Variants in PAX8 observed in about 807,000 individuals in gnomAD.
The protein encoded by PAX8 is paired box protein Pax-8.
In PAX8, 15 loss-of-function variants were observed where a neutral mutation model predicts 52.4. The observed-to-expected ratio is 0.29, with a 90% CI of 0.19 to 0.44. The LOEUF is 0.44. Ranked by LOEUF, PAX8 falls within the 20% of genes least tolerant of loss-of-function variation. The pLI, the probability that PAX8 is intolerant of heterozygous loss-of-function variation, is 1.00. For missense variants in PAX8, 554 were observed against 602.5 expected, an observed-to-expected ratio of 0.92 and a Z score of 0.84; for synonymous variants, 284 against 249.7, an observed-to-expected ratio of 1.14 and a Z score of -1.29.
chr2:113,236,369 G>C (rs1254071877), intron 8 of PAX8: 1 of 342,668 alleles, frequency 2.9e-6, no homozygotes, highest in East Asian at 4.8e-5. Context: ...GACCGGAGGC[G>C]CGACCCCTGG....
At chr2:113,232,320 T>A (rs1689946653) in intron 9 of PAX8, among the ~76,000 whole-genome samples, 1 of 152,224 alleles carries the variant, frequency 6.6e-6, no homozygotes, top group Non-Finnish European at 1.5e-5. Context: ...GCCATTTGCC[T>A]GGACCCCAGA....
intron 10 of PAX8, chr2:113,225,987 A>G: frequency 1.0e-6 from 1 of 985,506 alleles, no homozygotes; most frequent in African/African-American, 1.7e-5. Flanking sequence ...GGGACAGAGG[A>G]GTCAGTATTC....
chr2:113,240,391 A>G (rs1375109307), intron 7 of PAX8: 1 of 152,254 alleles, frequency 6.6e-6, no homozygotes, highest in African/African-American at 2.4e-5. Flanking sequence ...GATTATTGGC[A>G]TCATCTCCAT....
intron 2 of PAX8, among the ~76,000 whole-genome samples, chr2:113,249,257 C>T (rs13429413): frequency 0.49 from 74,254 of 152,206 alleles, 18,794 homozygotes; most frequent in East Asian, 0.69. Context: ...CTCTGGTCCT[C>T]ACTGGCCAGA....
intron 9 of PAX8, among the ~76,000 whole-genome samples, chr2:113,232,391 A>G (rs1053727985): frequency 2.6e-5 from 4 of 152,044 alleles, no homozygotes; most frequent in South Asian, 2.1e-4. Flanking sequence ...TGAATTGTCA[A>G]CCCTTGGGCT....
At chr2:113,276,741 G>A (rs1340300188) in intron 2 of PAX8, among the ~76,000 whole-genome samples, 2 of 151,968 alleles carry the variant, frequency 1.3e-5, no homozygotes, top group African/African-American at 2.4e-5. Flanking sequence ...GGTCCAGCCC[G>A]GCCACAGTGA....
rs550093648 is a variant in PAX8 at position 113,217,572 on chromosome 2, C to G, written c.*961G>C. 4.3e-6 allele frequency: 1 copy of G among 230,670 alleles called. No individual in the cohort carries two copies. The highest frequency in any genetic ancestry group is 1.8e-4 in the South Asian group (1 of 5,508). 14.3% of individuals were successfully genotyped at this position (230,670 alleles called of 1,614,324 possible). A position where few individuals can be genotyped will look rare whatever the true frequency, so the allele number is the denominator to read the frequency against. On this transcript the variant is annotated 3_prime_UTR_variant, in exon 12 of 12. Transcript: ENST00000429538. ...CTTGGGGGCAGGAGCTGCTGGGGAG[C>G]AGAGAGGGACCCTCTATCGCTGGCT... is the stretch of plus-strand genomic sequence containing the variant.
At position 113,278,152 on chromosome 2, in the gene PAX8, G is replaced by A. The variant is rs757313996; in HGVS notation, c.25+218C>T. ...CCGATCCATGTGGTCCCTCGAAACC[G>A]GGCAAGGGCGGCTCAGCTGGCCGGG... is the stretch of plus-strand genomic sequence containing the variant. On this transcript the variant is annotated intron_variant, in intron 2 of 11. Transcript: ENST00000429538. Among the ~76,000 whole-genome samples the A allele has an allele frequency of 2.6e-5, 4 of 152,310 alleles. No individual in the cohort carries two copies. In the East Asian group the frequency reaches 7.7e-4, roughly 29 times the overall value.
Position 113,242,705 on chromosome 2 carries a change from G to T in PAX8, c.463C>A (p.Pro155Thr). Reference protein sequence around the residue: ...DSCVATKSLSPGHTLIPSSAV... With the variant: ...DSCVATKSLSTGHTLIPSSAV... ...CAGCACTCACTCAGCGTGTGTCCGG[G>T]ACTCAGGGACTTGGTGGCCACGCAG... The change falls in exon 5 of 12, where the codon CCC (proline) becomes ACC (threonine). Residue 155 changes from proline to threonine, a missense_variant. By Grantham distance (38) the Pro-to-Thr change is conservative. This residue lies in a region of PAX8 where 445 missense variants were observed against 409.9 expected (regional missense o/e 1.09). Transcript: ENST00000429538. 6.2e-7 allele frequency: 1 copy of T among 1,613,012 alleles called. No individual in the cohort carries two copies.
intron 10 of PAX8, among the ~76,000 whole-genome samples, chr2:113,222,010 A>G (rs1055499258): frequency 6.6e-6 from 1 of 152,264 alleles, no homozygotes; most frequent in Non-Finnish European, 1.5e-5. Flanking sequence ...ACATCTATTT[A>G]ACAGATGAAA....
At chr2:113,226,291 G>A in intron 10 of PAX8, 1 of 985,490 alleles carries the variant, frequency 1.0e-6, no homozygotes, top group Non-Finnish European at 1.2e-6. Context: ...GGTCACAGAT[G>A]CCTTGTGTTC....
chr2:113,267,270 G>T (rs949173676), intron 2 of PAX8: 1 of 152,304 alleles, frequency 6.6e-6, no homozygotes, highest in African/African-American at 2.4e-5. Flanking sequence ...GAGTCCTGCC[G>T]CTACTGCTGC....
intron 2 of PAX8, chr2:113,271,450 G>A (rs1693451780): frequency 1.3e-5 from 2 of 152,102 alleles, no homozygotes; most frequent in Non-Finnish European, 2.9e-5. Context: ...CCAAGTGGCT[G>A]ATCATCTCCT....
In PAX8 at chr2:113,236,060, C is replaced by T. The variant is rs1690278869; in HGVS notation, c.899-478G>A. 1.3e-5 allele frequency: 3 copies of T among 227,766 alleles called. No homozygotes were observed. The Admixed American group carries it at 1.8e-4, about 13-fold the overall frequency. The allele number at this position is 227,766 out of a possible 1,614,324, so 14.1% of individuals were successfully genotyped here. ...GAGGCCCGGCCTAGGACCGGAGGCGCGACCCCTCGGCCCACCTTGCGGGAG... is the reference window on the plus strand; with the variant it reads ...GAGGCCCGGCCTAGGACCGGAGGCGTGACCCCTCGGCCCACCTTGCGGGAG... On this transcript the variant is annotated intron_variant, in intron 8 of 11. Coordinates refer to ENST00000429538, the MANE Select transcript of PAX8 (RefSeq NM_003466.4).
intron 2 of PAX8, among the ~76,000 whole-genome samples, 191 bp from the exon 3 acceptor site, chr2:113,247,110 A>C (rs1224312132): frequency 6.6e-6 from 1 of 152,204 alleles, no homozygotes; most frequent in Non-Finnish European, 1.5e-5. Context: ...CACAAATGGT[A>C]TGTGATGCTC....
chr2:113,276,106 CTGGGGAAA>C (rs199654230), intron 2 of PAX8: 4,354 of 152,334 alleles, frequency 0.029, 78 homozygotes, highest in Middle Eastern at 0.054. Flanking sequence ...ACAGAGGTGC[CTGGGGAAA>C]AGGGGGAACC....
rs968997269 is a variant in PAX8 at position 113,241,622 on chromosome 2, G to A, written c.706C>T (p.Leu236Phe). 3 of 1,613,712 alleles carry A rather than the reference G, an allele frequency of 1.9e-6. No homozygotes were observed. The African/African-American group carries it at 4.0e-5, about 22-fold the overall frequency. ...DAFSQHHLEP[L>F]ECPFERQHYP... The stretch of plus-strand genomic sequence containing the variant: ...TGCTGCCGCTCAAATGGGCACTCGA[G>A]CGGCTCGAGGTGGTGCTGGCTGAAG... Residue 236 changes from leucine (L) to phenylalanine (F), a missense_variant, in exon 7 of 12, where the codon CTC (leucine) becomes TTC (phenylalanine). Physicochemically the swap from Leu to Phe is conservative, Grantham distance 22. This residue lies in a region of PAX8 where 445 missense variants were observed against 409.9 expected (regional missense o/e 1.09). Transcript: ENST00000429538.
In PAX8 at chr2:113,235,486, A is replaced by C. The variant is rs762455529; in HGVS notation, c.995T>G (p.Leu332Arg). 6.2e-7 allele frequency: 1 copy of C among 1,613,860 alleles called. No homozygotes were observed. Among genetic ancestry groups the C allele is most frequent in the Non-Finnish European group, 8.5e-7 (1 of 1,179,816 alleles). ...SSLSSSAFLD[L>R]QQVGSGVPPF... ...CGGGACCCCGGAGCCGACTTGCTGC[A>C]GATCCAAAAAGGCGGAGCTAGATAA... The change falls in exon 9 of 12, where the codon CTG (leucine) becomes CGG (arginine). Residue 332 changes from leucine to arginine, a missense_variant. This residue lies in a region of PAX8 where 445 missense variants were observed against 409.9 expected (regional missense o/e 1.09). Transcript: ENST00000429538.
intron 2 of PAX8, chr2:113,267,825 A>T (rs1446246): frequency 0.43 from 64,975 of 152,022 alleles, 14,048 homozygotes; most frequent in African/African-American, 0.44. Context: ...TAGTATGTTT[A>T]TGTGTGTGAG....
Sources: gnomAD v4.1 joint callset for allele counts (sites outside exome capture counted in the v4.1 genomes callset) on GRCh38, gnomAD v4.1.1 for gene constraint, gnomAD v4.1.1 regional missense constraint, MANE v1.5 for transcripts, NCBI Gene and HGNC (gene_info 2026-07-23, HGNC 2026-07-21) for gene names.